Variants in TASP1 observed in about 807,000 individuals in gnomAD.
TASP1 encodes the protein threonine aspartase 1.
TASP1 carries 16 observed loss-of-function variants against 56.6 expected under a neutral mutation model. The ratio of observed to expected loss-of-function variants is 0.28; its 90% confidence interval spans 0.19 to 0.43. TASP1 has a LOEUF of 0.43. Among genes scored for constraint, TASP1 ranks in the 20% least tolerant of loss-of-function variants. The pLI is 1.00. For synonymous variants in TASP1, 179 were observed against 184.2 expected (o/e 0.97, Z 0.23); for missense variants, 393 against 511.6 (o/e 0.77, Z 2.24).
intron 10 of TASP1, among the ~76,000 whole-genome samples, chr20:13,512,384 G>T (rs979761647): frequency 3.9e-5 from 6 of 152,098 alleles, no homozygotes; most frequent in Admixed American, 6.6e-5. Flanking sequence ...TCATGTGTCT[G>T]TTGGCTGCAT....
At chr20:13,321,261 A>T in the TASP1 span, among the ~76,000 whole-genome samples, 2 of 148,638 alleles carry the variant, frequency 1.3e-5, no homozygotes, top group Non-Finnish European at 3.0e-5. Context: ...CATAAAAAAA[A>T]AAAAAAAAAA....
chr20:13,371,083 A>G, the TASP1 span, among the ~76,000 whole-genome samples: 8 of 152,070 alleles, frequency 5.3e-5, no homozygotes, highest in African/African-American at 1.7e-4. Context: ...TCTAGCTAAC[A>G]GTTTGTCAGT....
chr20:13,259,978 T>C, the TASP1 span, among the ~76,000 whole-genome samples: 6 of 152,236 alleles, frequency 3.9e-5, no homozygotes, highest in Admixed American at 3.9e-4. Context: ...GGAGTGTTTG[T>C]TGAATGAATC....
rs544798900 is a variant in TASP1, at chr20:13,389,506, AAAGAT to A, written c.*849_*853del. ...CTTAAAAATATATTTAAACAAAAACAAAGATAATATTGAATTTTCCCATAAACTTT... is the reference window on the plus strand; with the variant it reads ...CTTAAAAATATATTTAAACAAAAACAAATATTGAATTTTCCCATAAACTTT... On this transcript the variant is annotated 3_prime_UTR_variant, in exon 14 of 14. Coordinates refer to ENST00000337743, the MANE Select transcript of TASP1 (RefSeq NM_017714.3). The A allele has an allele frequency of 4.3e-3, 661 of 152,642 alleles. 5 individuals are homozygous for A. Among genetic ancestry groups the A allele is most frequent in the Non-Finnish European group, 5.5e-3 (376 of 68,040 alleles). The allele number at this position is 152,642 out of a possible 1,614,324, so 9.5% of individuals were successfully genotyped here. A position where few individuals can be genotyped will look rare whatever the true frequency, so the allele number is the denominator to read the frequency against.
the TASP1 span, chr20:13,288,444 A>T: frequency 1.5e-6 from 2 of 1,312,650 alleles, no homozygotes; most frequent in Non-Finnish European, 2.1e-6. Context: ...TCCCACAGCG[A>T]GAAGGATAGA....
chr20:13,239,184 T>C, the TASP1 span: 1 of 152,180 alleles, frequency 6.6e-6, no homozygotes, highest in Non-Finnish European at 1.5e-5. Flanking sequence ...ATAGAAATAA[T>C]GAAAGGCAAG....
At chr20:13,110,443 G>A in the TASP1 span, among the ~76,000 whole-genome samples, 1 of 152,170 alleles carries the variant, frequency 6.6e-6, no homozygotes, top group South Asian at 2.1e-4. Flanking sequence ...GGCTTGTGAA[G>A]GCTTCCTCAG....
intron 7 of TASP1, among the ~76,000 whole-genome samples, chr20:13,562,343 G>A (rs927012353): frequency 1.3e-5 from 2 of 151,782 alleles, no homozygotes; most frequent in African/African-American, 4.8e-5. Flanking sequence ...AAAACTTAAG[G>A]GACTAGTAAA....
chr20:13,360,920 G>A, the TASP1 span, among the ~76,000 whole-genome samples: 451 of 152,184 alleles, frequency 3.0e-3, 1 homozygote, highest in Non-Finnish European at 4.8e-3. Flanking sequence ...CCCAGATCAC[G>A]CTTGATTTAT....
the TASP1 span, among the ~76,000 whole-genome samples, chr20:13,207,730 G>T: frequency 2.0e-5 from 3 of 152,158 alleles, no homozygotes; most frequent in African/African-American, 7.2e-5. Flanking sequence ...GGAAGAATCT[G>T]TTTTACTCAG....
At chr20:13,145,304 A>C in the TASP1 span, among the ~76,000 whole-genome samples, 1 of 152,198 alleles carries the variant, frequency 6.6e-6, no homozygotes, top group African/African-American at 2.4e-5. Flanking sequence ...AGGAAACAAA[A>C]TCAATGTACT....
At chr20:13,288,672 C>T in the TASP1 span, 1 of 1,613,760 alleles carries the variant, frequency 6.2e-7, no homozygotes, top group Non-Finnish European at 8.5e-7. Context: ...TGTGACCGTC[C>T]AAACTGCCCA....
intron 7 of TASP1, among the ~76,000 whole-genome samples, chr20:13,563,660 A>G (rs1601259917): frequency 2.0e-5 from 3 of 151,446 alleles, no homozygotes; most frequent in South Asian, 2.1e-4. Context: ...GGAAAAAGCC[A>G]TATGATCTTT....
chr20:13,320,447 C>T, the TASP1 span, among the ~76,000 whole-genome samples: 4 of 152,156 alleles, frequency 2.6e-5, no homozygotes, highest in East Asian at 3.9e-4. Flanking sequence ...ACAAGAGAAC[C>T]GAACTCTGGT....
At chr20:13,139,827 A>G in the TASP1 span, among the ~76,000 whole-genome samples, 1 of 152,354 alleles carries the variant, frequency 6.6e-6, no homozygotes, top group East Asian at 1.9e-4. Context: ...CTTGACCCGG[A>G]ATAGAATAAA....
At chr20:13,437,180 C>G (rs1159580754) in intron 11 of TASP1, among the ~76,000 whole-genome samples, 3 of 152,124 alleles carry the variant, frequency 2.0e-5, no homozygotes, top group Non-Finnish European at 4.4e-5. Flanking sequence ...GGGCTTCATC[C>G]CTGGGATGCA....
chr20:13,355,430 C>T, the TASP1 span, among the ~76,000 whole-genome samples: 1 of 152,126 alleles, frequency 6.6e-6, no homozygotes, highest in African/African-American at 2.4e-5. Context: ...CAATATTACA[C>T]AAGGGAAGAG....
chr20:13,419,958 G>C (rs1019545918), intron 12 of TASP1, among the ~76,000 whole-genome samples: 2 of 152,108 alleles, frequency 1.3e-5, no homozygotes, highest in Non-Finnish European at 2.9e-5. Flanking sequence ...GCAAGGTCTG[G>C]GATAGTCTAA....
the TASP1 span, among the ~76,000 whole-genome samples, chr20:13,219,611 A>G: frequency 6.6e-6 from 1 of 152,150 alleles, no homozygotes; most frequent in Non-Finnish European, 1.5e-5. Flanking sequence ...AAAAAAAATA[A>G]TGAAAAGGAA....
Sources: allele counts gnomAD v4.1 joint callset (sites outside exome capture counted in the v4.1 genomes callset), GRCh38; gene constraint gnomAD v4.1.1; transcripts MANE v1.5; gene names NCBI Gene and HGNC (gene_info 2026-07-23, HGNC 2026-07-21).